The following DENND4C variants were observed in gnomAD, a reference collection of about 807,000 sequenced individuals.
The protein encoded by DENND4C is DENN domain containing 4C.
DENND4C carries 108 observed loss-of-function variants against 203.0 expected under a neutral mutation model. The ratio of observed to expected loss-of-function variants is 0.53; its 90% CI spans 0.46 to 0.62. The LOEUF (loss-of-function observed/expected upper bound fraction) is 0.62, where lower values mean the gene tolerates loss of function less well. Among genes scored for constraint, DENND4C ranks in the 20% least tolerant of loss-of-function variants. The pLI is 0.00. For missense variants in DENND4C, 2,481 were observed against 2,301.2 expected, an observed-to-expected ratio of 1.08 and a Z score of -1.60; for synonymous variants, 871 against 792.4, an observed-to-expected ratio of 1.10 and a Z score of -1.67.
chr9:19,240,886 C>G (rs1823517635), intron 1 of DENND4C, among the ~76,000 whole-genome samples: 1 of 151,946 alleles, frequency 6.6e-6, no homozygotes, highest in African/African-American at 2.4e-5. Context: ...AGAATTGAAC[C>G]CAGGAGGCAG....
At chr9:19,289,247 G>A (rs958868816) in intron 4 of DENND4C, among the ~76,000 whole-genome samples, 2 of 152,156 alleles carry the variant, frequency 1.3e-5, no homozygotes, top group Admixed American at 6.5e-5. Context: ...TAAGTGTCAC[G>A]TCTTCATTCC....
At chr9:19,360,836 A>G (rs1826318052) in intron 29 of DENND4C, among the ~76,000 whole-genome samples, 1 of 152,152 alleles carries the variant, frequency 6.6e-6, no homozygotes, top group African/African-American at 2.4e-5. Context: ...GTTGTAGATA[A>G]TATTTCTACA....
intron 31 of DENND4C, chr9:19,371,472 G>C (rs562308951): frequency 1.7e-4 from 34 of 204,308 alleles, no homozygotes; most frequent in African/African-American, 7.9e-4. Context: ...TTTGTTACTA[G>C]TGTGAAGCTT....
chr9:19,233,304 A>T (rs1821045322), intron 1 of DENND4C, among the ~76,000 whole-genome samples: 1 of 152,190 alleles, frequency 6.6e-6, no homozygotes, highest in African/African-American at 2.4e-5. Flanking sequence ...AGTTTGACAG[A>T]CGTAGCAAAG....
In DENND4C at chr9:19,361,870, G is replaced by A; in HGVS notation, c.5431G>A (p.Asp1811Asn). The A allele has an allele frequency of 6.2e-7, 1 of 1,610,154 alleles. No individual in the cohort carries two copies. Among genetic ancestry groups the A allele is most frequent in the Non-Finnish European group, 8.5e-7 (1 of 1,176,590 alleles). ...GCTTCCTCTGTCATCTCTGTCCCAG[G>A]ATAGCAAACTTGTGTATATTCAGCT... ...VQLPLSSLSQ[D>N]SKLVYIQLLW... The change falls in exon 30 of 33, where the codon GAT becomes AAT. Residue 1811 changes from aspartate to asparagine, a missense_variant. This residue lies in a region of DENND4C where 2,289 missense variants were observed against 2,113.3 expected (regional missense o/e 1.08). Coordinates refer to ENST00000434457, the MANE Select transcript of DENND4C (RefSeq NM_001330640.2).
intron 1 of DENND4C, among the ~76,000 whole-genome samples, chr9:19,260,903 C>A (rs1829190862): frequency 6.6e-6 from 1 of 152,098 alleles, no homozygotes; most frequent in Admixed American, 6.6e-5. Flanking sequence ...CAGAGTGAGA[C>A]CCTGTCTCAA....
intron 29 of DENND4C, among the ~76,000 whole-genome samples, chr9:19,361,037 T>A (rs1482314390): frequency 6.6e-6 from 1 of 152,030 alleles, no homozygotes; most frequent in Non-Finnish European, 1.5e-5. Context: ...CCACATCCAG[T>A]TAATTTTTGT....
intron 1 of DENND4C, among the ~76,000 whole-genome samples, chr9:19,264,747 A>C (rs1449903763): frequency 6.6e-6 from 1 of 151,406 alleles, no homozygotes; most frequent in Admixed American, 6.6e-5. Context: ...CAAAACACCA[A>C]GTTTTTTTTT....
chr9:19,241,290 G>A (rs1044807344), intron 1 of DENND4C, among the ~76,000 whole-genome samples: 1 of 151,886 alleles, frequency 6.6e-6, no homozygotes, highest in African/African-American at 2.4e-5. Context: ...TTTGACTCTC[G>A]TAACAACACT....
At chr9:19,258,798 G>T (rs933862600) in intron 1 of DENND4C, among the ~76,000 whole-genome samples, 18 of 151,998 alleles carry the variant, frequency 1.2e-4, no homozygotes, top group African/African-American at 4.4e-4. Flanking sequence ...GGGACTACAG[G>T]TGCACGCCAC....
At chr9:19,294,720 A>C (rs1294835027) in intron 5 of DENND4C, among the ~76,000 whole-genome samples, 5 of 152,214 alleles carry the variant, frequency 3.3e-5, no homozygotes, top group African/African-American at 1.2e-4. Context: ...CAAGGAATGA[A>C]ATTCAGATAT....
chr9:19,352,931 C>T (rs1318082192), intron 26 of DENND4C, among the ~76,000 whole-genome samples: 1 of 152,024 alleles, frequency 6.6e-6, no homozygotes, highest in Non-Finnish European at 1.5e-5. Context: ...GTCAGGAGTT[C>T]AAGACCAGCC....
At chr9:19,313,360 A>G (rs1325933992) in intron 10 of DENND4C, among the ~76,000 whole-genome samples, 1 of 152,212 alleles carries the variant, frequency 6.6e-6, no homozygotes, top group Middle Eastern at 3.2e-3. Context: ...GTAGCCCTGT[A>G]TATTAGGTAC....
intron 1 of DENND4C, among the ~76,000 whole-genome samples, chr9:19,269,774 T>A (rs751382772): frequency 6.6e-6 from 1 of 152,150 alleles, no homozygotes; most frequent in Non-Finnish European, 1.5e-5. Flanking sequence ...TTAGTTTGTT[T>A]GGTGAGGTCA....
At chr9:19,274,633 A>C (rs527819521) in intron 1 of DENND4C, among the ~76,000 whole-genome samples, 99 of 152,078 alleles carry the variant, frequency 6.5e-4, no homozygotes, top group Non-Finnish European at 1.0e-3. Flanking sequence ...TAATGGTTTT[A>C]TTGGTTGTTG....
chr9:19,300,089 C>T (rs1052179917), intron 8 of DENND4C, 98 bp from the exon 9 acceptor site: 14 of 1,215,178 alleles, frequency 1.2e-5, no homozygotes, highest in Non-Finnish European at 1.5e-5. Flanking sequence ...TAGAAATTAA[C>T]ACTAGACTCT....
intron 1 of DENND4C, among the ~76,000 whole-genome samples, chr9:19,250,214 G>C (rs899381915): frequency 6.6e-6 from 1 of 152,014 alleles, no homozygotes; most frequent in African/African-American, 2.4e-5. Context: ...GGGCTGAGGC[G>C]GGTAGATCAC....
chr9:19,330,333 GTTTTT>G (rs398010417), intron 16 of DENND4C, among the ~76,000 whole-genome samples: 4 of 97,120 alleles, frequency 4.1e-5, no homozygotes, highest in Admixed American at 1.3e-4. Flanking sequence ...TACCAAGTTG[GTTTTT>G]TTTTTTTTTT....
rs368788205 is a variant in DENND4C, at chr9:19,353,753, CA to C, written c.4781+1092del. On this transcript the variant is annotated intron_variant, in intron 26 of 32. Coordinates refer to ENST00000434457, the MANE Select transcript of DENND4C (RefSeq NM_001330640.2). Reference sequence around the variant, plus strand: ...TTCGAGACCAGCCTGGGCAACATGGCAAAACCCCATCTCTACAAAAAAATAC... The same window carrying C: ...TTCGAGACCAGCCTGGGCAACATGGCAAACCCCATCTCTACAAAAAAATAC... 1.1e-3 allele frequency among the ~76,000 whole-genome samples: 169 copies of C among 152,170 alleles called. 3 individuals are homozygous for C. The highest frequency in any genetic ancestry group is 3.4e-3 in the Middle Eastern group (1 of 294).
Sources: allele counts gnomAD v4.1 joint callset (sites outside exome capture counted in the v4.1 genomes callset), GRCh38; gene constraint gnomAD v4.1.1; regional missense constraint gnomAD v4.1.1; transcripts MANE v1.5; gene names NCBI Gene and HGNC (gene_info 2026-07-23, HGNC 2026-07-21).